PAK1IP1: variants seen among roughly 807,000 people sequenced by gnomAD.
PAK1IP1 encodes the protein p21-activated protein kinase-interacting protein 1.
A neutral mutation model predicts 42.0 loss-of-function variants in PAK1IP1; 24 were observed. The ratio of observed to expected loss-of-function variants is 0.57; its 90% confidence interval spans 0.41 to 0.80. The LOEUF (loss-of-function observed/expected upper bound fraction) is 0.80. Ranked by LOEUF, PAK1IP1 falls within the 30% of genes least tolerant of loss-of-function variation. PAK1IP1 has a pLI of 0.00. For missense variants in PAK1IP1, 411 were observed against 467.9 expected (o/e 0.88, Z 1.12); for synonymous variants, 154 against 156.7 (o/e 0.98, Z 0.13).
upstream of PAK1IP1, among the ~76,000 whole-genome samples, chr6:10,691,871 A>G (rs550114546): frequency 8.0e-4 from 121 of 152,140 alleles, no homozygotes; most frequent in Non-Finnish European, 1.6e-3. Flanking sequence ...ACTTTGAGTT[A>G]TGTTCATGGT....
Position 10,709,067 on chromosome 6 carries a change from C to A in PAK1IP1, c.955C>A (p.Pro319Thr). 6.2e-7 allele frequency: 1 copy of A among 1,612,348 alleles called. No individual in the cohort carries two copies. The highest frequency in any genetic ancestry group is 2.2e-5 in the East Asian group (1 of 44,872). ...AGAAAGCCTTCCTCCAGCTGCAGAGCCTTCTCCTGGTAATCGAATTTGATT... is the reference window on the plus strand; with the variant it reads ...AGAAAGCCTTCCTCCAGCTGCAGAGACTTCTCCTGGTAATCGAATTTGATT... ...MKESLPPAAE[P>T]SPVSKEQSKI... Residue 319 changes from proline (P) to threonine (T), a missense_variant, in exon 9 of 10, where the codon CCT becomes ACT. Physicochemically the swap from Pro to Thr is conservative, Grantham distance 38. Coordinates refer to ENST00000379568, the MANE Select transcript of PAK1IP1 (RefSeq NM_017906.3).
At chr6:10,694,933 T>G (rs1398409063), upstream of PAK1IP1, 14 of 1,053,960 alleles carry the variant, frequency 1.3e-5, no homozygotes, top group East Asian at 3.5e-4. Context: ...GGTTTCCGGT[T>G]CTGTCACCTC....
chr6:10,709,138 G>T, intron 9 of PAK1IP1, 62 bp downstream of exon 9: 1 of 1,525,790 alleles, frequency 6.6e-7, no homozygotes, highest in African/African-American at 1.4e-5. Flanking sequence ...TTGTAGAAGT[G>T]GAGGAGATCC....
intron 1 of PAK1IP1, among the ~76,000 whole-genome samples, chr6:10,695,603 A>G (rs138120922): frequency 1.0e-3 from 154 of 152,276 alleles, no homozygotes; most frequent in Non-Finnish European, 1.9e-3. Flanking sequence ...GACTGAGGAG[A>G]CGCATAGATG....
chr6:10,694,602 A>AT, upstream of PAK1IP1: 5 of 196,502 alleles, frequency 2.5e-5, no homozygotes, highest in South Asian at 1.4e-4. Context: ...GCCCCTAAGC[A>AT]ACCGGCCGGA....
At chr6:10,696,434 C>G (rs1581579267) in intron 1 of PAK1IP1, among the ~76,000 whole-genome samples, 1 of 152,134 alleles carries the variant, frequency 6.6e-6, no homozygotes, top group South Asian at 2.1e-4. Flanking sequence ...TTTGCAAATA[C>G]TTTTTGATGC....
chr6:10,709,005 G>A lies in PAK1IP1; in HGVS notation c.893G>A (p.Cys298Tyr). The change falls in exon 9 of 10, where the codon TGT (cysteine) becomes TAT (tyrosine). Residue 298 changes from cysteine (C) to tyrosine (Y), a missense_variant. Cys to Tyr is a radical substitution (Grantham distance 194, BLOSUM62 -2). Coordinates refer to ENST00000379568, the MANE Select transcript of PAK1IP1 (RefSeq NM_017906.3). ...CEINTNARLT[C>Y]LGVWLDKVAD... Reference sequence around the variant, plus strand: ...ATAAACACTAATGCCAGGCTGACGTGTCTTGGAGTGTGGCTAGACAAAGTG... The same window carrying A: ...ATAAACACTAATGCCAGGCTGACGTATCTTGGAGTGTGGCTAGACAAAGTG... 1 of 1,612,612 alleles carries A rather than the reference G, an allele frequency of 6.2e-7. No individual in the cohort carries two copies. Among genetic ancestry groups the A allele is most frequent in the Non-Finnish European group, 8.5e-7 (1 of 1,178,606 alleles).
chr6:10,697,118 C>T (rs1193415048), intron 1 of PAK1IP1, among the ~76,000 whole-genome samples: 2 of 152,110 alleles, frequency 1.3e-5, no homozygotes, highest in East Asian at 3.8e-4. Context: ...AGTCTCAAGT[C>T]CTTTGTGGTA....
chr6:10,703,692 ACTTGAAACATGAGT>A, intron 5 of PAK1IP1, among the ~76,000 whole-genome samples: 1 of 152,254 alleles, frequency 6.6e-6, no homozygotes, highest in Non-Finnish European at 1.5e-5. Flanking sequence ...TCATGTTTAG[ACTTGAAACATGAGT>A]TGCATGGGTT....
At chr6:10,706,191 GGAA>G (rs1481422980) in intron 7 of PAK1IP1, among the ~76,000 whole-genome samples, 5 of 151,960 alleles carry the variant, frequency 3.3e-5, no homozygotes, top group African/African-American at 1.2e-4. Context: ...GGATGATGAG[GGAA>G]GAAGATGTGA....
upstream of PAK1IP1, among the ~76,000 whole-genome samples, chr6:10,691,276 G>A (rs1769274599): frequency 6.6e-6 from 1 of 152,142 alleles, no homozygotes; most frequent in South Asian, 2.1e-4. Flanking sequence ...TATTCGGCCG[G>A]GATCTTCGGC....
intron 8 of PAK1IP1, 151 bp from the exon 9 acceptor site, chr6:10,708,802 C>A: frequency 1.6e-6 from 1 of 607,218 alleles, no homozygotes; most frequent in Non-Finnish European, 2.8e-6. Flanking sequence ...GAATAACAGT[C>A]AAACTAATCA....
intron 2 of PAK1IP1, among the ~76,000 whole-genome samples, chr6:10,701,401 T>C (rs984224557): frequency 2.6e-5 from 4 of 152,200 alleles, no homozygotes; most frequent in African/African-American, 7.2e-5. Context: ...TCTTCCTGCA[T>C]TAGTTTGCTG....
chr6:10,694,956 G>T (rs767866626), upstream of PAK1IP1: 1 of 1,519,676 alleles, frequency 6.6e-7, no homozygotes, highest in Non-Finnish European at 9.0e-7. Flanking sequence ...GGCTGAGCCG[G>T]GCTGGCGGAA....
At chr6:10,701,643 A>G (rs1468265155) in intron 2 of PAK1IP1, among the ~76,000 whole-genome samples, 1 of 152,198 alleles carries the variant, frequency 6.6e-6, no homozygotes, top group African/African-American at 2.4e-5. Flanking sequence ...GATCTGAGTG[A>G]TAAGGATTGG....
At chr6:10,696,540 T>C (rs536444362) in intron 1 of PAK1IP1, among the ~76,000 whole-genome samples, 1 of 152,376 alleles carries the variant, frequency 6.6e-6, no homozygotes, top group East Asian at 1.9e-4. Flanking sequence ...CCTAATGCTA[T>C]TGTCACATGG....
upstream of PAK1IP1, chr6:10,694,926 T>TTTG: frequency 9.9e-7 from 1 of 1,011,302 alleles, no homozygotes; most frequent in Non-Finnish European, 1.4e-6. Flanking sequence ...TTTTTTTGGT[T>TTTG]TCCGGTTCTG....
intron 5 of PAK1IP1, among the ~76,000 whole-genome samples, chr6:10,703,689 T>C (rs961151981): frequency 6.6e-6 from 1 of 152,236 alleles, no homozygotes; most frequent in African/African-American, 2.4e-5. Flanking sequence ...ATTTCATGTT[T>C]AGACTTGAAA....
At chr6:10,693,760 G>A (rs1769570716), upstream of PAK1IP1, among the ~76,000 whole-genome samples, 2 of 152,200 alleles carry the variant, frequency 1.3e-5, no homozygotes, top group South Asian at 2.1e-4. Flanking sequence ...AAGGGGGCCT[G>A]GCTCGTCCCC....
Sources: allele counts gnomAD v4.1 joint callset (sites outside exome capture counted in the v4.1 genomes callset), GRCh38; gene constraint gnomAD v4.1.1; transcripts MANE v1.5; gene names NCBI Gene and HGNC (gene_info 2026-07-23, HGNC 2026-07-21).